The following PTPRT variants were observed in gnomAD, a reference collection of about 807,000 sequenced individuals.
PTPRT encodes the protein receptor-type tyrosine-protein phosphatase T.
In PTPRT, 56 loss-of-function variants were observed where a neutral mutation model predicts 176.8. The ratio of observed to expected loss-of-function variants is 0.32; its 90% confidence interval spans 0.26 to 0.40. The LOEUF is 0.40. Among genes scored for constraint, PTPRT ranks in the 10% least tolerant of loss-of-function variants. The probability of loss-of-function intolerance (pLI) is 1.00; values close to 1 mark genes in which losing one functional copy is unlikely to be tolerated. For missense variants in PTPRT, 1,540 were observed against 1,908.2 expected, an observed-to-expected ratio of 0.81 and a Z score of 3.60; for synonymous variants, 783 against 739.0, an observed-to-expected ratio of 1.06 and a Z score of -0.96.
chr20:42,204,866 C>T (rs183549722), intron 15 of PTPRT, among the ~76,000 whole-genome samples: 4 of 151,894 alleles, frequency 2.6e-5, no homozygotes, highest in Non-Finnish European at 5.9e-5. Flanking sequence ...ACATTTCTCA[C>T]GGAGAGGGAA....
intron 18 of PTPRT, among the ~76,000 whole-genome samples, chr20:42,130,295 A>G (rs1313088892): frequency 6.6e-6 from 1 of 152,166 alleles, no homozygotes; most frequent in Admixed American, 6.5e-5. Flanking sequence ...CCTTGGGCTG[A>G]AGGGATGGAG....
intron 2 of PTPRT, among the ~76,000 whole-genome samples, chr20:42,825,855 A>C (rs1226544269): frequency 2.0e-5 from 3 of 152,166 alleles, no homozygotes; most frequent in Non-Finnish European, 4.4e-5. Context: ...CAGGTAAGAA[A>C]GCAGAATACA....
At chr20:42,086,739 A>ATATATATATATATAT (rs1555858277) in intron 27 of PTPRT, among the ~76,000 whole-genome samples, 2 of 65,396 alleles carry the variant, frequency 3.1e-5, no homozygotes, top group African/African-American at 7.4e-5. Flanking sequence ...AAAAAAAAAA[A>ATATATATATATATAT]AAAAAAAAAA....
chr20:42,234,016 G>A (rs1256281359), intron 15 of PTPRT, among the ~76,000 whole-genome samples: 1 of 152,126 alleles, frequency 6.6e-6, no homozygotes, highest in African/African-American at 2.4e-5. Context: ...CAAAGACCCT[G>A]ATAGGCAAAC....
intron 1 of PTPRT, among the ~76,000 whole-genome samples, chr20:42,888,080 T>C (rs539829122): frequency 6.6e-6 from 1 of 152,272 alleles, no homozygotes; most frequent in East Asian, 1.9e-4. Context: ...AGCAATAACT[T>C]TCTATTTTTT....
intron 1 of PTPRT, among the ~76,000 whole-genome samples, chr20:43,144,210 C>G (rs2014100478): frequency 6.6e-6 from 1 of 152,144 alleles, no homozygotes; most frequent in Non-Finnish European, 1.5e-5. Flanking sequence ...CAACTGCTCA[C>G]CAGACACCCT....
At chr20:42,526,017 T>C (rs1378045604) in intron 7 of PTPRT, among the ~76,000 whole-genome samples, 2 of 152,062 alleles carry the variant, frequency 1.3e-5, no homozygotes, top group Non-Finnish European at 2.9e-5. Context: ...GGAGAGTGTT[T>C]TTTTTTTTAA....
intron 9 of PTPRT, among the ~76,000 whole-genome samples, chr20:42,404,209 A>C (rs1378253356): frequency 2.0e-5 from 3 of 152,192 alleles, no homozygotes; most frequent in African/African-American, 4.8e-5. Context: ...AAGAGGTGGA[A>C]GTTACTATAC....
intron 9 of PTPRT, among the ~76,000 whole-genome samples, chr20:42,389,288 C>G (rs944349670): frequency 6.6e-6 from 1 of 151,584 alleles, no homozygotes; most frequent in Non-Finnish European, 1.5e-5. Flanking sequence ...AAAAAAGAAA[C>G]GTGATATAGG....
chr20:42,763,825 A>G (rs1281019894), intron 5 of PTPRT, among the ~76,000 whole-genome samples: 1 of 152,182 alleles, frequency 6.6e-6, no homozygotes, highest in Non-Finnish European at 1.5e-5. Flanking sequence ...AGAGCCCTCT[A>G]TGTACGTGGC....
chr20:42,282,550 C>CAATTAATT (rs1342692818), intron 12 of PTPRT, 25 bp from the exon 13 acceptor site: 1 of 1,588,176 alleles, frequency 6.3e-7, no homozygotes, highest in South Asian at 1.1e-5. Flanking sequence ...AATGAGATGC[C>CAATTAATT]AATTAATTAG....
chr20:42,356,831 C>A (rs1391946675), intron 9 of PTPRT, among the ~76,000 whole-genome samples: 2 of 152,132 alleles, frequency 1.3e-5, no homozygotes, highest in African/African-American at 2.4e-5. Flanking sequence ...TCGTCCTCCC[C>A]CCAGCACCCC....
In PTPRT at chr20:42,315,907, T is replaced by C. The variant is rs2057714206; in HGVS notation, c.1955A>G (p.Tyr652Cys). The C allele has an allele frequency of 6.2e-7, 1 of 1,614,062 alleles. No homozygotes were observed. Among genetic ancestry groups the C allele is most frequent in the Non-Finnish European group, 8.5e-7 (1 of 1,180,008 alleles). ...AGAATCGAGGCTGGAGGCATTCCGA[T>C]AGCTCACGGGCACCGAAAAGCACTC... ...IIECFSVPVS[Y>C]RNASSLDSLH... is the part of the protein sequence containing the mutation. Residue 652 changes from tyrosine to cysteine, a missense_variant, in exon 12 of 31, where the codon TAT becomes TGT. By Grantham distance (194) the Tyr-to-Cys change is radical. This residue lies in a region of PTPRT where 81 missense variants were observed against 89.9 expected (regional missense o/e 0.90). Transcript: ENST00000373187.
At chr20:42,548,083 A>C (rs191277149) in intron 7 of PTPRT, among the ~76,000 whole-genome samples, 1 of 152,230 alleles carries the variant, frequency 6.6e-6, no homozygotes, top group East Asian at 1.9e-4. Context: ...GAAAAAACTC[A>C]ACAAATCCAG....
chr20:42,270,375 C>CCCCCCCGG, intron 13 of PTPRT: 2 of 1,514,964 alleles, frequency 1.3e-6, no homozygotes, highest in Non-Finnish European at 1.8e-6. Flanking sequence ...CCCTCCCACC[C>CCCCCCCGG]GCCCAGGGCT....
intron 1 of PTPRT, among the ~76,000 whole-genome samples, chr20:43,041,827 C>T (rs1986618469): frequency 2.0e-5 from 3 of 152,208 alleles, no homozygotes; most frequent in Non-Finnish European, 2.9e-5. Flanking sequence ...TTATCAATGG[C>T]TGCTTTCATG....
chr20:43,001,218 T>G (rs1984535406), intron 1 of PTPRT, among the ~76,000 whole-genome samples: 1 of 152,172 alleles, frequency 6.6e-6, no homozygotes, highest in Non-Finnish European at 1.5e-5. Flanking sequence ...AATGCACTAT[T>G]GCTGAACTGA....
intron 6 of PTPRT, among the ~76,000 whole-genome samples, chr20:42,706,178 T>TG (rs1342563097): frequency 4.5e-5 from 3 of 66,854 alleles, no homozygotes; most frequent in African/African-American, 2.4e-4. Flanking sequence ...TCTCTCTCTG[T>TG]TTGTGTGTGT....
chr20:42,826,777 G>C (rs1180824138), intron 2 of PTPRT, among the ~76,000 whole-genome samples: 2 of 152,128 alleles, frequency 1.3e-5, no homozygotes, highest in African/African-American at 4.8e-5. Context: ...GGATAAAAAA[G>C]CAAGACCAAA....
Sources: allele counts gnomAD v4.1 joint callset (sites outside exome capture counted in the v4.1 genomes callset), GRCh38; gene constraint gnomAD v4.1.1; regional missense constraint gnomAD v4.1.1; transcripts MANE v1.5; gene names NCBI Gene and HGNC (gene_info 2026-07-23, HGNC 2026-07-21).